The following LSAMP variants were observed in gnomAD, a reference collection of about 807,000 sequenced individuals.
LSAMP encodes limbic system-associated membrane protein.
Under a neutral mutation model 38.6 loss-of-function variants are expected in LSAMP, and 7 were observed. The observed-to-expected ratio is 0.18, with a 90% CI of 0.10 to 0.34. The LOEUF is 0.34. LSAMP is among the 10% of genes least tolerant of loss of function. LSAMP has a pLI of 1.00. For missense variants in LSAMP, 313 were observed against 420.0 expected, an observed-to-expected ratio of 0.75 and a Z score of 2.23; for synonymous variants, 154 against 166.8, an observed-to-expected ratio of 0.92 and a Z score of 0.59.
chr3:116,418,308 T>C (rs555387660), intron 1 of LSAMP, among the ~76,000 whole-genome samples: 51 of 152,286 alleles, frequency 3.3e-4, no homozygotes, highest in African/African-American at 1.2e-3. Context: ...TTCAATGTCA[T>C]CTCAAACTCA....
intron 1 of LSAMP, among the ~76,000 whole-genome samples, chr3:116,127,698 T>A (rs1709036910): frequency 1.2e-5 from 1 of 85,190 alleles, no homozygotes; most frequent in Admixed American, 1.0e-4. Context: ...TTTGTTCATT[T>A]TTTTTTTTTT....
At chr3:115,877,040 T>G (rs1156274508) in intron 3 of LSAMP, among the ~76,000 whole-genome samples, 2 of 152,158 alleles carry the variant, frequency 1.3e-5, no homozygotes, top group Non-Finnish European at 2.9e-5. Context: ...ATTACCGGAA[T>G]AAGTAACATA....
chr3:116,226,101 C>T (rs1022823686), intron 1 of LSAMP, among the ~76,000 whole-genome samples: 1 of 152,044 alleles, frequency 6.6e-6, no homozygotes, highest in African/African-American at 2.4e-5. Context: ...AAGTTTCTCC[C>T]AAATTCTATT....
chr3:115,966,609 T>C (rs1463714365), intron 3 of LSAMP, among the ~76,000 whole-genome samples: 2 of 152,162 alleles, frequency 1.3e-5, no homozygotes, highest in Non-Finnish European at 2.9e-5. Flanking sequence ...TAAGACCAAA[T>C]ATTGGAATAA....
intron 3 of LSAMP, among the ~76,000 whole-genome samples, chr3:115,965,774 TATTA>T (rs921792666): frequency 2.6e-5 from 4 of 152,094 alleles, no homozygotes; most frequent in African/African-American, 9.6e-5. Context: ...GAAACTTTAT[TATTA>T]ATCAAAGGCA....
rs1933534859 is a variant in LSAMP, at chr3:115,802,468, CAG to C, written c.*7847_*7848del. ...CGTGTAAAGTAACAGAAGAGAGAAA[CAG>C]AATTTAAATACATTTAAAAAGAAAA... On this transcript the variant is annotated 3_prime_UTR_variant, in exon 7 of 7. Coordinates refer to ENST00000490035, the MANE Select transcript of LSAMP (RefSeq NM_002338.5). 6.6e-6 allele frequency: 1 copy of C among 151,264 alleles called. No individual in the cohort carries two copies. Among genetic ancestry groups the C allele is most frequent in the Admixed American group, 6.6e-5 (1 of 15,182 alleles). The allele number at this position is 151,264 out of a possible 1,614,324, so 9.4% of individuals were successfully genotyped here. A position where few individuals can be genotyped will look rare whatever the true frequency, so the allele number is the denominator to read the frequency against.
At chr3:116,444,805 CA>C in intron 1 of LSAMP, 71 bp downstream of exon 1, 1 of 1,401,512 alleles carries the variant, frequency 7.1e-7, no homozygotes, top group Non-Finnish European at 9.5e-7. Context: ...CACACACACA[CA>C]CACAAACACA....
At chr3:115,930,432 G>A (rs993544914) in intron 3 of LSAMP, among the ~76,000 whole-genome samples, 2 of 152,058 alleles carry the variant, frequency 1.3e-5, no homozygotes, top group African/African-American at 2.4e-5. Flanking sequence ...GGTGGCTAAC[G>A]TGGCTAATTT....
At chr3:116,055,502 C>T (rs1322478285) in intron 2 of LSAMP, among the ~76,000 whole-genome samples, 1 of 152,116 alleles carries the variant, frequency 6.6e-6, no homozygotes, top group Non-Finnish European at 1.5e-5. Flanking sequence ...AGAAGTAAGA[C>T]TTGAAGGGTT....
intron 3 of LSAMP, among the ~76,000 whole-genome samples, chr3:115,928,969 G>GTTTTTTTTTTTTTTTTTTTTTTTTTT (rs1033194537): frequency 1.9e-5 from 1 of 53,574 alleles, no homozygotes; most frequent in African/African-American, 5.7e-5. Flanking sequence ...CAGGTTTTTT[G>GTTTTTTTTTTTTTTTTTTTTTTTTTT]TTTGTTTTTT....
At chr3:115,933,903 A>G (rs961443547) in intron 3 of LSAMP, among the ~76,000 whole-genome samples, 12 of 152,212 alleles carry the variant, frequency 7.9e-5, no homozygotes, top group African/African-American at 2.2e-4. Context: ...TCAGCAGGTT[A>G]GACTTAACAG....
chr3:116,026,696 A>G (rs1426073330), intron 2 of LSAMP, among the ~76,000 whole-genome samples: 1 of 152,120 alleles, frequency 6.6e-6, no homozygotes, highest in African/African-American at 2.4e-5. Context: ...AACTGACTTA[A>G]TCTCTTGTTG....
intron 1 of LSAMP, chr3:116,368,096 A>G (rs763186466): frequency 4.6e-5 from 7 of 152,192 alleles, no homozygotes; most frequent in Admixed American, 6.5e-5. Flanking sequence ...TAGCTGCTTG[A>G]TAGGTTTTTA....
chr3:116,131,248 C>T (rs1709126741), intron 1 of LSAMP, among the ~76,000 whole-genome samples: 1 of 151,966 alleles, frequency 6.6e-6, no homozygotes, highest in Admixed American at 6.6e-5. Context: ...ACCTTGGCCT[C>T]CCTAAGAGCT....
chr3:116,194,451 T>C (rs992316130), intron 1 of LSAMP, among the ~76,000 whole-genome samples: 7 of 152,080 alleles, frequency 4.6e-5, no homozygotes, highest in South Asian at 2.1e-4. Flanking sequence ...CTGGAGTACA[T>C]TGGCATGATC....
rs72955503 is a variant in LSAMP, at chr3:115,881,864, C to G, written c.515-29247G>C. ...CCCAGTCCAGATTCCCTTTCCTGAA[C>G]GTGCACCTGTCTCTCAGCTGTTCTT... On this transcript the variant is annotated intron_variant, in intron 3 of 6. Transcript: ENST00000490035. Among the ~76,000 whole-genome samples, 5 of 152,144 alleles carry G rather than the reference C, an allele frequency of 3.3e-5. No individual in the cohort carries two copies. In the East Asian group the frequency reaches 9.6e-4, roughly 29 times the overall value.
chr3:116,019,478 C>G, intron 3 of LSAMP, 37 bp downstream of exon 3: 1 of 1,602,698 alleles, frequency 6.2e-7, no homozygotes, highest in Non-Finnish European at 8.5e-7. Flanking sequence ...ATATTTTAAA[C>G]AGCATGTGGC....
At chr3:116,421,916 C>T (rs2049133742) in intron 1 of LSAMP, among the ~76,000 whole-genome samples, 1 of 152,112 alleles carries the variant, frequency 6.6e-6, no homozygotes, top group Admixed American at 6.6e-5. Context: ...TCCAGTAATT[C>T]CAATCCTCAG....
rs74691670 is a variant in LSAMP, at chr3:116,024,048, C to T, written c.389-4408G>A. Reference sequence around the variant, plus strand: ...GACCTTCCTGTCATTCCCCACCCTGCCTCCCACTCTGCTCCTGGATCCACA... The same window carrying T: ...GACCTTCCTGTCATTCCCCACCCTGTCTCCCACTCTGCTCCTGGATCCACA... On this transcript the variant is annotated intron_variant, in intron 2 of 6. Transcript: ENST00000490035. Among the ~76,000 whole-genome samples, 458 of 152,320 alleles carry T rather than the reference C, an allele frequency of 3.0e-3. 5 individuals are homozygous for T. Among genetic ancestry groups the T allele is most frequent in the African/African-American group, 0.01 (436 of 41,566 alleles).
Sources: allele counts gnomAD v4.1 joint callset (sites outside exome capture counted in the v4.1 genomes callset), GRCh38; gene constraint gnomAD v4.1.1; transcripts MANE v1.5; gene names NCBI Gene and HGNC (gene_info 2026-07-23, HGNC 2026-07-21).